Variants in SLC38A10 observed in about 807,000 individuals in gnomAD.
SLC38A10 encodes the protein solute carrier family 38 member 10, also known as Sodium-coupled neutral amino acid transporter 10.
SLC38A10 carries 53 observed loss-of-function variants against 81.0 expected under a neutral mutation model. That is an observed-to-expected ratio of 0.65 (90% CI 0.53 to 0.82). The LOEUF is 0.82. Among genes scored for constraint, SLC38A10 ranks in the 40% least tolerant of loss-of-function variants. The pLI, the probability that SLC38A10 is intolerant of heterozygous loss-of-function variation, is 0.00. For missense variants in SLC38A10, 1,471 were observed against 1,545.0 expected (o/e 0.95, Z 0.80); for synonymous variants, 665 against 655.3 (o/e 1.01, Z -0.23).
chr17:81,250,265 C>T (rs1433880244), intron 14 of SLC38A10, among the ~76,000 whole-genome samples: 2 of 152,234 alleles, frequency 1.3e-5, no homozygotes, highest in African/African-American at 2.4e-5. Flanking sequence ...CCCACATGCC[C>T]GAACTCCTGA....
intron 5 of SLC38A10, 106 bp from the exon 6 acceptor site, chr17:81,280,839 T>G: frequency 2.3e-4 from 321 of 1,420,974 alleles, no homozygotes; most frequent in Non-Finnish European, 2.7e-4. Flanking sequence ...AGTGCAGCTC[T>G]TCCCACCCAC....
rs530340940 is a variant in SLC38A10 at position 81,253,417 on chromosome 17, C to G, written c.1289-177G>C. ...AAAACTGTCATTTTTCATGTGTATT[C>G]ACAACAAAAATATGTCAAAATGCGA... On this transcript the variant is annotated intron_variant, in intron 11 of 15. Coordinates refer to ENST00000374759, the MANE Select transcript of SLC38A10 (RefSeq NM_001037984.3). This position sits in a 1 kb window ranked among gnomAD's most constrained non-coding sequence, Gnocchi z 4.1. Among the ~76,000 whole-genome samples, 16 of 152,292 alleles carry G rather than the reference C, an allele frequency of 1.1e-4. No individual in the cohort carries two copies. The highest frequency in any genetic ancestry group is 2.6e-4 in the Admixed American group (4 of 15,306).
intron 1 of SLC38A10, among the ~76,000 whole-genome samples, chr17:81,294,321 AC>A (rs2063331572): frequency 6.6e-6 from 1 of 151,862 alleles, no homozygotes; most frequent in African/African-American, 2.4e-5. Context: ...GTGAGCCACC[AC>A]CCCCTGCCAA....
At position 81,251,550 on chromosome 17, in the gene SLC38A10, G is replaced by C. The variant is rs763815842; in HGVS notation, c.2008C>G (p.Arg670Gly). 11 of 1,524,868 alleles carry C rather than the reference G, an allele frequency of 7.2e-6. No homozygotes were observed. Among genetic ancestry groups the C allele is most frequent in the East Asian group, 2.3e-5 (1 of 43,878 alleles). 94.5% of individuals were successfully genotyped at this position (1,524,868 alleles called of 1,614,324 possible). A position where few individuals can be genotyped will look rare whatever the true frequency, so the allele number is the denominator to read the frequency against. ...GCTCGCTCCACGTCCCTCTGCTCGC[G>C]AGGCTCGGGCGGCAGCCCAGGCCCT... is the stretch of plus-strand genomic sequence containing the variant. The part of the protein sequence containing the change: ...APGPGLPPEP[R>G]EQRDVERAGG... The change falls in exon 14 of 16, where the codon CGC (arginine) becomes GGC (glycine). Residue 670 changes from arginine to glycine, a missense_variant. Transcript: ENST00000374759.
At position 81,251,513 on chromosome 17, in the gene SLC38A10, T is replaced by C; in HGVS notation, c.2045A>G (p.Gln682Arg). The change falls in exon 14 of 16, where the codon CAG (glutamine) becomes CGG (arginine). Residue 682 changes from glutamine to arginine, a missense_variant. By Grantham distance (43) the Gln-to-Arg change is conservative (BLOSUM62 1). Coordinates refer to ENST00000374759, the MANE Select transcript of SLC38A10 (RefSeq NM_001037984.3). The stretch of plus-strand genomic sequence containing the variant: ...CTTACCCTCCAGCTGGCTGGCCGCC[T>C]GGTTTCCACCCGCTCGCTCCACGTC... ...QRDVERAGGN[Q>R]AASQLEEAGR... is the part of the protein sequence containing the mutation. 1 of 1,599,726 alleles carries C rather than the reference T, an allele frequency of 6.3e-7. No individual in the cohort carries two copies. The highest frequency in any genetic ancestry group is 8.5e-7 in the Non-Finnish European group (1 of 1,175,920).
In SLC38A10 at chr17:81,246,580, A is replaced by T. The variant is rs1176799360; in HGVS notation, c.2336T>A (p.Leu779Gln). 11 of 1,516,922 alleles carry T rather than the reference A, an allele frequency of 7.3e-6. No homozygotes were observed. The highest frequency in any genetic ancestry group is 2.8e-5 in the African/African-American group (2 of 71,658). The allele number at this position is 1,516,922 out of a possible 1,614,324, so 94.0% of individuals were successfully genotyped here. The change falls in exon 16 of 16, where the codon CTG becomes CAG. Residue 779 changes from leucine to glutamine, a missense_variant. Leu to Gln is a moderately radical substitution (Grantham distance 113, BLOSUM62 -2). Transcript: ENST00000374759. ...AGCTCTGAGGACAGGGTCCAAAGGCAGGGGAGGCAGATTCTCCACCGTCTC... is the reference window on the plus strand; with the variant it reads ...AGCTCTGAGGACAGGGTCCAAAGGCTGGGGAGGCAGATTCTCCACCGTCTC... ...ARETVENLPP[L>Q]PLDPVLRAPG...
At chr17:81,274,233 AAG>A (rs2063141543) in intron 8 of SLC38A10, among the ~76,000 whole-genome samples, 1 of 152,190 alleles carries the variant, frequency 6.6e-6, no homozygotes, top group African/African-American at 2.4e-5. Context: ...AACTCCGCAG[AAG>A]AGAGGAGCAC....
chr17:81,269,537 G>A (rs563348980), intron 10 of SLC38A10, among the ~76,000 whole-genome samples: 1 of 152,216 alleles, frequency 6.6e-6, no homozygotes, highest in African/African-American at 2.4e-5. Context: ...TCTATTTACC[G>A]CAACTTGAAG....
chr17:81,274,512 C>A (rs1305421328), intron 8 of SLC38A10, among the ~76,000 whole-genome samples: 1 of 152,264 alleles, frequency 6.6e-6, no homozygotes, highest in South Asian at 2.1e-4. Flanking sequence ...ACCAGGAGTT[C>A]CAGCTGAAGG....
chr17:81,273,180 G>C (rs898709395), intron 8 of SLC38A10, among the ~76,000 whole-genome samples: 14 of 152,264 alleles, frequency 9.2e-5, no homozygotes, highest in African/African-American at 3.1e-4. Context: ...TCAAGTGCCT[G>C]TTTTGGCCCC....
In SLC38A10 at chr17:81,277,494, A is replaced by T. The variant is rs1308907549; in HGVS notation, c.627-361T>A. ...CAGAGAATCGCTGTCAAGAGGAGGG[A>T]AAGTTAAACAAACACACCCTGGCCT... is the stretch of plus-strand genomic sequence containing the variant. On this transcript the variant is annotated intron_variant, in intron 6 of 15. Transcript: ENST00000374759. This position sits in a 1 kb window ranked among gnomAD's most constrained non-coding sequence, Gnocchi z 4.5. Among the ~76,000 whole-genome samples, 1 of 152,246 alleles carries T rather than the reference A, an allele frequency of 6.6e-6. No homozygotes were observed. Among genetic ancestry groups the T allele is most frequent in the African/African-American group, 2.4e-5 (1 of 41,462 alleles).
At chr17:81,284,504 T>G (rs959076925) in intron 3 of SLC38A10, among the ~76,000 whole-genome samples, 3 of 152,172 alleles carry the variant, frequency 2.0e-5, no homozygotes, top group African/African-American at 4.8e-5. Context: ...TCTCATAAAT[T>G]TTTTCATCTC....
chr17:81,251,635 G>C (rs2062915726), intron 13 of SLC38A10, 23 bp from the exon 14 acceptor site: 1 of 1,472,078 alleles, frequency 6.8e-7, no homozygotes, highest in Non-Finnish European at 8.9e-7. Context: ...TGAAGACTCA[G>C]AAGGTTTTGC....
intron 10 of SLC38A10, among the ~76,000 whole-genome samples, chr17:81,268,757 G>A (rs1041567365): frequency 1.3e-5 from 2 of 148,754 alleles, no homozygotes; most frequent in Admixed American, 6.8e-5. Flanking sequence ...GGACATATGA[G>A]ACAAATAATA....
At chr17:81,250,208 G>A (rs778560553) in intron 14 of SLC38A10, 188 of 1,077,146 alleles carry the variant, frequency 1.7e-4, no homozygotes, top group Non-Finnish European at 2.2e-4. Context: ...ACAGAGCATA[G>A]GAATTGGAAC....
Position 81,281,938 on chromosome 17 carries a change from G to A in SLC38A10, c.501+251C>T, listed in dbSNP as rs2063215430. 6.6e-6 allele frequency among the ~76,000 whole-genome samples: 1 copy of A among 152,156 alleles called. No individual in the cohort carries two copies. The highest frequency in any genetic ancestry group is 2.1e-4 in the South Asian group (1 of 4,830). On this transcript the variant is annotated intron_variant, in intron 5 of 15. Transcript: ENST00000374759. This position sits in a 1 kb window ranked among gnomAD's most constrained non-coding sequence, Gnocchi z 5.3. ...TGGACGACATGAAACCAGCCTCAGA[G>A]CCACCCCTGCCCTGAGCCCCAGCCT...
rs1462270127 is a variant in SLC38A10, at chr17:81,277,395, T to C, written c.627-262A>G. On this transcript the variant is annotated intron_variant, in intron 6 of 15. Transcript: ENST00000374759. The surrounding 1 kb of genome is among the most constrained non-coding windows in gnomAD (Gnocchi z 4.5). ...CCAAGGCTACAGAACGACAGGCTGC[T>C]GCTCCACGCCAGGGAGCGGGTGCTG... Among the ~76,000 whole-genome samples, 6 of 152,230 alleles carry C rather than the reference T, an allele frequency of 3.9e-5. No individual in the cohort carries two copies. The East Asian group carries it at 1.2e-3, about 29-fold the overall frequency.
intron 4 of SLC38A10, among the ~76,000 whole-genome samples, chr17:81,282,751 G>C (rs1459877639): frequency 2.0e-5 from 3 of 152,226 alleles, no homozygotes; most frequent in Non-Finnish European, 4.4e-5. Context: ...GGTCGAATGG[G>C]GAGACAGAGT....
chr17:81,283,538 G>C lies in SLC38A10; in HGVS notation c.264-36C>G. ...ACGGGGGGTACGGGAAATGCCATCA[G>C]GGCAAGCTGGCACACACCTGGGCTG... On this transcript the variant is annotated intron_variant, in intron 3 of 15. Coordinates refer to ENST00000374759, the MANE Select transcript of SLC38A10 (RefSeq NM_001037984.3). This position sits in a 1 kb window ranked among gnomAD's most constrained non-coding sequence, Gnocchi z 4.7. 6.4e-7 allele frequency: 1 copy of C among 1,562,264 alleles called. No individual in the cohort carries two copies. Among genetic ancestry groups the C allele is most frequent in the Non-Finnish European group, 8.7e-7 (1 of 1,143,982 alleles).
Sources: gnomAD v4.1 joint callset for allele counts (sites outside exome capture counted in the v4.1 genomes callset) on GRCh38, gnomAD v4.1.1 for gene constraint, Gnocchi (gnomAD v3.1) non-coding constraint, MANE v1.5 for transcripts, NCBI Gene and HGNC (gene_info 2026-07-23, HGNC 2026-07-21) for gene names.